Variants in MLLT3 observed in about 807,000 individuals in gnomAD.
MLLT3 encodes MLLT3 super elongation complex subunit, also known as protein AF-9.
In MLLT3, 4 loss-of-function variants were observed where a neutral mutation model predicts 53.2. The ratio of observed to expected loss-of-function variants is 0.08; its 90% CI spans 0.04 to 0.17. The LOEUF is 0.17. Among genes scored for constraint, MLLT3 ranks in the 10% least tolerant of loss-of-function variants. The pLI is 1.00. For missense variants in MLLT3, 569 were observed against 684.0 expected, an observed-to-expected ratio of 0.83 and a Z score of 1.87; for synonymous variants, 283 against 230.6, an observed-to-expected ratio of 1.23 and a Z score of -2.06.
intron 4 of MLLT3, among the ~76,000 whole-genome samples, chr9:20,443,944 T>G (rs555871757): frequency 6.6e-6 from 1 of 152,314 alleles, no homozygotes; most frequent in South Asian, 2.1e-4. Flanking sequence ...TTAAAACTTT[T>G]CCAATTGTAT....
chr9:20,608,278 G>T (rs1295329376), intron 2 of MLLT3, among the ~76,000 whole-genome samples: 1 of 151,772 alleles, frequency 6.6e-6, no homozygotes, highest in East Asian at 1.9e-4. Context: ...ATTTGTAGTT[G>T]ATTTTTAAAG....
At chr9:20,457,746 G>A (rs1824008226) in intron 2 of MLLT3, among the ~76,000 whole-genome samples, 1 of 152,314 alleles carries the variant, frequency 6.6e-6, no homozygotes, top group African/African-American at 2.4e-5. Flanking sequence ...TTCTCATGGA[G>A]TTAAAAGGAA....
chr9:20,578,194 A>T (rs1192867488), intron 2 of MLLT3, among the ~76,000 whole-genome samples: 1 of 152,214 alleles, frequency 6.6e-6, no homozygotes, highest in Non-Finnish European at 1.5e-5. Context: ...GCTGACCTTG[A>T]CTAAATAAGA....
chr9:20,483,313 T>C (rs1031342548), intron 2 of MLLT3, among the ~76,000 whole-genome samples: 22 of 151,820 alleles, frequency 1.4e-4, no homozygotes, highest in African/African-American at 5.1e-4. Flanking sequence ...TGGCTCACTA[T>C]AGCCTTGATC....
chr9:20,571,995 A>G (rs1819543313), intron 2 of MLLT3, among the ~76,000 whole-genome samples: 1 of 152,214 alleles, frequency 6.6e-6, no homozygotes, highest in Non-Finnish European at 1.5e-5. Flanking sequence ...AAAATAAAAC[A>G]ATCACATGAT....
At chr9:20,363,383 G>C (rs1233295602) in intron 7 of MLLT3, 93 bp downstream of exon 7, 1 of 1,346,868 alleles carries the variant, frequency 7.4e-7, no homozygotes, top group Non-Finnish European at 1.0e-6. Context: ...TGCCGTTTTT[G>C]GTGTTTCACA....
chr9:20,535,225 G>A (rs1190328999), intron 2 of MLLT3, among the ~76,000 whole-genome samples: 4 of 152,148 alleles, frequency 2.6e-5, no homozygotes, highest in Non-Finnish European at 5.9e-5. Context: ...ACATGTGAGG[G>A]ATCTTGGTTG....
intron 4 of MLLT3, among the ~76,000 whole-genome samples, chr9:20,432,511 G>C (rs1471842384): frequency 6.6e-6 from 1 of 152,040 alleles, no homozygotes; most frequent in Non-Finnish European, 1.5e-5. Flanking sequence ...CCGTAGGGCA[G>C]AATTAGCTGA....
intron 2 of MLLT3, among the ~76,000 whole-genome samples, chr9:20,537,386 C>T (rs1204549314): frequency 6.6e-6 from 1 of 152,024 alleles, no homozygotes; most frequent in Non-Finnish European, 1.5e-5. Context: ...TCTTTTTGTA[C>T]AAGAAAATAT....
intron 2 of MLLT3, among the ~76,000 whole-genome samples, chr9:20,485,411 G>A (rs1242504705): frequency 6.6e-6 from 1 of 152,104 alleles, no homozygotes; most frequent in Non-Finnish European, 1.5e-5. Context: ...ATCTCTTAGG[G>A]AACTATAAAT....
intron 2 of MLLT3, among the ~76,000 whole-genome samples, chr9:20,515,054 C>G (rs1356185468): frequency 3.4e-5 from 5 of 148,582 alleles, no homozygotes; most frequent in Non-Finnish European, 7.4e-5. Flanking sequence ...TCAGGCGATT[C>G]TCCTGCCTCA....
chr9:20,607,126 T>C (rs2131204138), intron 2 of MLLT3, among the ~76,000 whole-genome samples: 1 of 152,272 alleles, frequency 6.6e-6, no homozygotes, highest in Admixed American at 6.5e-5. Flanking sequence ...TTTTATTTAA[T>C]TTGGTGCCAA....
At chr9:20,442,952 A>C (rs1211433826) in intron 4 of MLLT3, among the ~76,000 whole-genome samples, 1 of 152,166 alleles carries the variant, frequency 6.6e-6, no homozygotes, top group Non-Finnish European at 1.5e-5. Context: ...TCTGAACAGA[A>C]TTGGATTTCT....
chr9:20,503,602 C>T (rs1825303083), intron 2 of MLLT3, among the ~76,000 whole-genome samples: 2 of 152,098 alleles, frequency 1.3e-5, no homozygotes. Context: ...TAGAAGAAAA[C>T]ATAGCAGAAA....
chr9:20,352,790 A>AG (rs1821063917), intron 10 of MLLT3, among the ~76,000 whole-genome samples: 1 of 151,978 alleles, frequency 6.6e-6, no homozygotes. Flanking sequence ...GTAAAAAAAA[A>AG]AAGAAGAAAA....
At chr9:20,354,468 T>A (rs1485829812) in intron 9 of MLLT3, among the ~76,000 whole-genome samples, 1 of 152,238 alleles carries the variant, frequency 6.6e-6, no homozygotes, top group Non-Finnish European at 1.5e-5. Context: ...GAAAGCACAC[T>A]GCACTAGCAT....
At chr9:20,527,080 A>G (rs1818221688) in intron 2 of MLLT3, among the ~76,000 whole-genome samples, 1 of 152,186 alleles carries the variant, frequency 6.6e-6, no homozygotes, top group South Asian at 2.1e-4. Context: ...CATGATACAC[A>G]CAGGGAAAAG....
At chr9:20,577,585 C>A (rs768531842) in intron 2 of MLLT3, among the ~76,000 whole-genome samples, 1 of 152,196 alleles carries the variant, frequency 6.6e-6, no homozygotes, top group African/African-American at 2.4e-5. Context: ...AATATACCAA[C>A]CACTTGGGCA....
At chr9:20,416,203 A>T (rs1173019585) in intron 4 of MLLT3, among the ~76,000 whole-genome samples, 1 of 152,046 alleles carries the variant, frequency 6.6e-6, no homozygotes, top group Non-Finnish European at 1.5e-5. Context: ...TTGAAATCTA[A>T]TATCCTTGAG....
Sources: gnomAD v4.1 joint callset for allele counts (sites outside exome capture counted in the v4.1 genomes callset) on GRCh38, gnomAD v4.1.1 for gene constraint, MANE v1.5 for transcripts, NCBI Gene and HGNC (gene_info 2026-07-23, HGNC 2026-07-21) for gene names.